Variants in GALNT2 observed in about 807,000 individuals in gnomAD.
GALNT2 encodes UDP-GalNAc:polypeptide N-acetylgalactosaminyltransferase 2.
Under a neutral mutation model 81.4 loss-of-function variants are expected in GALNT2, and 31 were observed. That is an observed-to-expected ratio of 0.38 (90% CI 0.29 to 0.51). The LOEUF (loss-of-function observed/expected upper bound fraction) is 0.51, where lower values mean the gene tolerates loss of function less well. GALNT2 is among the 20% of genes least tolerant of loss of function. GALNT2 has a pLI of 0.87. For missense variants in GALNT2, 629 were observed against 765.7 expected (o/e 0.82, Z 2.11); for synonymous variants, 303 against 287.4 (o/e 1.05, Z -0.55).
At chr1:230,143,078 G>A (rs1321214102) in intron 1 of GALNT2, among the ~76,000 whole-genome samples, 1 of 152,132 alleles carries the variant, frequency 6.6e-6, no homozygotes, top group Non-Finnish European at 1.5e-5. Context: ...AGCAGCTGGT[G>A]AAGAGAATGG....
At chr1:230,068,906 G>A (rs1251076444) in intron 1 of GALNT2, among the ~76,000 whole-genome samples, 2 of 152,220 alleles carry the variant, frequency 1.3e-5, no homozygotes, top group Admixed American at 1.3e-4. Flanking sequence ...CATGCAGGCA[G>A]CAAAAGCCGT....
At chr1:230,088,292 C>G (rs1246181781) in intron 1 of GALNT2, among the ~76,000 whole-genome samples, 2 of 152,170 alleles carry the variant, frequency 1.3e-5, no homozygotes, top group African/African-American at 2.4e-5. Context: ...TGCTTTCTGC[C>G]TCTGTGCACT....
At chr1:230,188,321 T>G (rs611229) in intron 2 of GALNT2, among the ~76,000 whole-genome samples, 71,045 of 151,904 alleles carry the variant, frequency 0.47, 18,135 homozygotes, top group East Asian at 0.71. Flanking sequence ...CTGGAATTTG[T>G]ATAAAGTATA....
At chr1:230,109,831 C>CA (rs562461775) in intron 1 of GALNT2, among the ~76,000 whole-genome samples, 1,456 of 117,854 alleles carry the variant, frequency 0.012, 13 homozygotes, top group African/African-American at 0.025. Context: ...ACTTCGTCTC[C>CA]AAAAAAAAAA....
chr1:230,229,800 GCCATC>G (rs1179971571), intron 3 of GALNT2, among the ~76,000 whole-genome samples: 2 of 152,294 alleles, frequency 1.3e-5, no homozygotes, highest in East Asian at 3.9e-4. Flanking sequence ...ACAGCACAGT[GCCATC>G]CCTGCAAACT....
At chr1:230,100,310 CTTTTTTTTTTTT>C (rs573478928) in intron 1 of GALNT2, among the ~76,000 whole-genome samples, 1 of 85,776 alleles carries the variant, frequency 1.2e-5, no homozygotes, top group Non-Finnish European at 2.1e-5. Context: ...CTTTTTATTC[CTTTTTTTTTTTT>C]TTTTTTTTTT....
Position 230,279,718 on chromosome 1 carries a change from C to A in GALNT2, c.*260C>A. 1 of 546,962 alleles carries A rather than the reference C, an allele frequency of 1.8e-6. No individual in the cohort carries two copies. The highest frequency in any genetic ancestry group is 3.4e-6 in the Non-Finnish European group (1 of 294,314). The allele number at this position is 546,962 out of a possible 1,614,324, so 33.9% of individuals were successfully genotyped here. A position where few individuals can be genotyped will look rare whatever the true frequency, so the allele number is the denominator to read the frequency against. On this transcript the variant is annotated 3_prime_UTR_variant, in exon 16 of 16. Coordinates refer to ENST00000366672, the MANE Select transcript of GALNT2 (RefSeq NM_004481.5). The surrounding 1 kb of genome is among the most constrained non-coding windows in gnomAD (Gnocchi z 4.6). ...CAGGCCGGAGCGCCCCTCTTCCTTC[C>A]AGCTTTCACTTCTGCCGGCTCCGCA...
intron 1 of GALNT2, among the ~76,000 whole-genome samples, chr1:230,130,772 T>A (rs920431976): frequency 5.3e-5 from 8 of 152,204 alleles, no homozygotes; most frequent in Admixed American, 4.6e-4. Flanking sequence ...CAGTCAAGCT[T>A]GGCTGACCAT....
At chr1:230,213,735 T>C (rs1664302218) in intron 3 of GALNT2, among the ~76,000 whole-genome samples, 1 of 152,238 alleles carries the variant, frequency 6.6e-6, no homozygotes, top group African/African-American at 2.4e-5. Flanking sequence ...ACGTTTTTTC[T>C]TCTCTGTTGG....
chr1:230,277,038 T>C (rs1666323075), intron 15 of GALNT2, among the ~76,000 whole-genome samples: 1 of 152,252 alleles, frequency 6.6e-6, no homozygotes, highest in Admixed American at 6.5e-5. Flanking sequence ...ATTTCAAGAA[T>C]TGACAGGTGT....
chr1:230,172,322 C>T (rs565561232), intron 1 of GALNT2, among the ~76,000 whole-genome samples: 8 of 152,254 alleles, frequency 5.3e-5, no homozygotes, highest in Non-Finnish European at 7.4e-5. Context: ...CTCCTGGCCA[C>T]GTGAGTTACC....
intron 3 of GALNT2, among the ~76,000 whole-genome samples, chr1:230,214,853 C>T (rs80188417): frequency 6.6e-6 from 1 of 152,142 alleles, no homozygotes; most frequent in Non-Finnish European, 1.5e-5. Context: ...GGATATATTT[C>T]TGTTGGCCTG....
At chr1:230,145,421 C>T (rs1415535502) in intron 1 of GALNT2, among the ~76,000 whole-genome samples, 3 of 152,230 alleles carry the variant, frequency 2.0e-5, no homozygotes, top group African/African-American at 7.2e-5. Context: ...GAAGCTCCCC[C>T]AAAGGAACCC....
At position 230,067,253 on chromosome 1, in the gene GALNT2, C is replaced by T. The variant is rs1659219566; in HGVS notation, c.-28C>T. 1.6e-6 allele frequency: 2 copies of T among 1,269,234 alleles called. No homozygotes were observed. Among genetic ancestry groups the T allele is most frequent in the Non-Finnish European group, 2.0e-6 (2 of 1,000,216 alleles). 78.6% of individuals were successfully genotyped at this position (1,269,234 alleles called of 1,614,324 possible). ...CCCAGGCAGCACTCGCGAGCAGCGG[C>T]GGCCCCGCCGGCGGCCGAGTTGGGA... On this transcript the variant is annotated 5_prime_UTR_variant, in exon 1 of 16. Transcript: ENST00000366672.
At chr1:230,233,939 G>A (rs886778737) in intron 3 of GALNT2, among the ~76,000 whole-genome samples, 3 of 151,878 alleles carry the variant, frequency 2.0e-5, no homozygotes, top group Admixed American at 6.6e-5. Flanking sequence ...GACAATAGCC[G>A]GGAACAAATT....
chr1:230,274,353 C>T, intron 14 of GALNT2, 92 bp from the exon 15 acceptor site: 1 of 1,512,230 alleles, frequency 6.6e-7, no homozygotes, highest in South Asian at 1.3e-5. Flanking sequence ...CACCCCGTGA[C>T]CCATTTCCTT....
chr1:230,075,938 C>T (rs1453700163), intron 1 of GALNT2, among the ~76,000 whole-genome samples: 2 of 152,100 alleles, frequency 1.3e-5, no homozygotes, highest in Non-Finnish European at 2.9e-5. Flanking sequence ...GCCTCTTTTT[C>T]GGTGATCTCT....
intron 1 of GALNT2, among the ~76,000 whole-genome samples, chr1:230,157,320 A>G (rs140760697): frequency 1.3e-3 from 193 of 152,330 alleles, no homozygotes; most frequent in Admixed American, 3.8e-3. Flanking sequence ...TTGGGGGGAA[A>G]AAAAGCAAAA....
intron 10 of GALNT2, 99 bp from the exon 11 acceptor site, chr1:230,255,119 G>A: frequency 1.3e-6 from 2 of 1,544,374 alleles, no homozygotes; most frequent in Non-Finnish European, 1.8e-6. Flanking sequence ...GCCCCATGAT[G>A]GGATGGTCAG....
Sources: gnomAD v4.1 joint callset for allele counts (sites outside exome capture counted in the v4.1 genomes callset) on GRCh38, gnomAD v4.1.1 for gene constraint, Gnocchi (gnomAD v3.1) non-coding constraint, MANE v1.5 for transcripts, NCBI Gene and HGNC (gene_info 2026-07-23, HGNC 2026-07-21) for gene names.